Variants in SSH2 observed in about 807,000 individuals in gnomAD.
The protein encoded by SSH2 is slingshot protein phosphatase 2.
SSH2 carries 37 observed loss-of-function variants against 135.2 expected under a neutral mutation model. That is an observed-to-expected ratio of 0.27 (90% CI 0.21 to 0.36). The LOEUF (loss-of-function observed/expected upper bound fraction) is 0.36. Among genes scored for constraint, SSH2 ranks in the 10% least tolerant of loss-of-function variants. The pLI is 1.00. For synonymous variants in SSH2, 628 were observed against 646.2 expected (o/e 0.97, Z 0.43); for missense variants, 1,408 against 1,765.3 (o/e 0.80, Z 3.63).
At chr17:29,771,798 C>G (rs2041591964) in intron 3 of SSH2, among the ~76,000 whole-genome samples, 1 of 152,156 alleles carries the variant, frequency 6.6e-6, no homozygotes, top group Non-Finnish European at 1.5e-5. Context: ...AGTTTCCAGG[C>G]CCTGGCAGAG....
intron 3 of SSH2, among the ~76,000 whole-genome samples, chr17:29,740,784 C>T (rs2040528792): frequency 6.6e-6 from 1 of 152,182 alleles, no homozygotes; most frequent in Non-Finnish European, 1.5e-5. Context: ...TGGAAAATCT[C>T]AATATACTTA....
intron 3 of SSH2, among the ~76,000 whole-genome samples, chr17:29,760,001 G>A (rs1422240318): frequency 1.3e-5 from 2 of 152,160 alleles, no homozygotes; most frequent in African/African-American, 2.4e-5. Context: ...GTACAGGGCA[G>A]TAAAACAACT....
intron 1 of SSH2, among the ~76,000 whole-genome samples, chr17:29,869,233 A>G (rs2065903066): frequency 6.6e-6 from 1 of 152,196 alleles, no homozygotes; most frequent in South Asian, 2.1e-4. Context: ...TGTCATGAGA[A>G]CCACTGGGGT....
intron 14 of SSH2, among the ~76,000 whole-genome samples, chr17:29,646,547 C>T (rs576801514): frequency 1.3e-4 from 20 of 152,090 alleles, no homozygotes; most frequent in African/African-American, 3.9e-4. Flanking sequence ...TCGCCTAGGC[C>T]GGAGTGCAGT....
intron 1 of SSH2, among the ~76,000 whole-genome samples, chr17:29,857,202 T>C (rs2065678339): frequency 6.6e-6 from 1 of 151,984 alleles, no homozygotes; most frequent in African/African-American, 2.4e-5. Flanking sequence ...TAGAAAGAGG[T>C]TTAATTGGGC....
intron 2 of SSH2, among the ~76,000 whole-genome samples, chr17:29,847,626 A>G (rs1039611575): frequency 6.6e-6 from 1 of 152,178 alleles, no homozygotes; most frequent in African/African-American, 2.4e-5. Context: ...ATGTGTATGA[A>G]CTAATAAGGC....
chr17:29,726,968 A>G (rs1023241931), intron 3 of SSH2, among the ~76,000 whole-genome samples: 1 of 152,264 alleles, frequency 6.6e-6, no homozygotes, highest in African/African-American at 2.4e-5. Flanking sequence ...CTGCCAGCCA[A>G]TCATCCTGGA....
rs76843227 is a variant in SSH2 at position 29,653,154 on chromosome 17, C to A, written c.1080-2354G>T. Among the ~76,000 whole-genome samples, 327 of 152,218 alleles carry A rather than the reference C, an allele frequency of 2.1e-3. 1 individual carries two copies. Among genetic ancestry groups the A allele is most frequent in the African/African-American group, 7.6e-3 (316 of 41,520 alleles). On this transcript the variant is annotated intron_variant, in intron 12 of 15. Coordinates refer to ENST00000540801, the MANE Select transcript of SSH2 (RefSeq NM_001282129.2). ...CATCTCAGCACCAAATGACTCTATA[C>A]AGAGTAACATTTTACTTTGGGTAAG...
chr17:29,695,371 T>C, intron 5 of SSH2, 88 bp downstream of exon 5: 1 of 933,742 alleles, frequency 1.1e-6, no homozygotes, highest in Non-Finnish European at 1.7e-6. Context: ...TTCCCAGCAC[T>C]GTGTTGGGAT....
At chr17:29,885,474 C>T (rs1225282669) in intron 1 of SSH2, among the ~76,000 whole-genome samples, 1 of 151,716 alleles carries the variant, frequency 6.6e-6, no homozygotes, top group East Asian at 1.9e-4. Context: ...GGAAGTGTCT[C>T]TTGGCTGGCC....
chr17:29,746,775 C>G (rs1392101199), intron 3 of SSH2, among the ~76,000 whole-genome samples: 2 of 151,974 alleles, frequency 1.3e-5, no homozygotes, highest in Non-Finnish European at 2.9e-5. Context: ...TCAATTTAGC[C>G]CTCATGGAGA....
chr17:29,848,977 T>A, intron 1 of SSH2, 48 bp from the exon 2 acceptor site: 1 of 1,221,436 alleles, frequency 8.2e-7, no homozygotes, highest in Non-Finnish European at 1.2e-6. Context: ...AATGGGCCCA[T>A]AAGCACGAGG....
At position 29,746,208 on chromosome 17, in the gene SSH2, A is replaced by T. The variant is rs151218096; in HGVS notation, c.189-43146T>A. Reference sequence around the variant, plus strand: ...AGAGAGATTTACATTGAGAATTCACATCCTGCCACAGAAACCCCAACTTTT... The same window carrying T: ...AGAGAGATTTACATTGAGAATTCACTTCCTGCCACAGAAACCCCAACTTTT... On this transcript the variant is annotated intron_variant, in intron 3 of 15. Transcript: ENST00000540801. Among the ~76,000 whole-genome samples, 694 of 152,184 alleles carry T rather than the reference A, an allele frequency of 4.6e-3. 1 individual carries two copies. Among genetic ancestry groups the T allele is most frequent in the Non-Finnish European group, 8.1e-3 (552 of 68,010 alleles).
At position 29,758,758 on chromosome 17, in the gene SSH2, T is replaced by A. The variant is rs376760627; in HGVS notation, c.188+35136A>T. On this transcript the variant is annotated intron_variant, in intron 3 of 15. Coordinates refer to ENST00000540801, the MANE Select transcript of SSH2 (RefSeq NM_001282129.2). ...TCTTTTAAAAATTATTTTATTATTA[T>A]TATTTAAAGAGGCAGGGTCTTGCTC... 5.9e-5 allele frequency among the ~76,000 whole-genome samples: 9 copies of A among 152,304 alleles called. No individual in the cohort carries two copies. The East Asian group carries it at 1.3e-3, about 23-fold the overall frequency.
At chr17:29,695,397 C>A in intron 5 of SSH2, 62 bp downstream of exon 5, 1 of 1,330,656 alleles carries the variant, frequency 7.5e-7, no homozygotes, top group South Asian at 1.2e-5. Context: ...AATGACTGTT[C>A]AATTTTGGCT....
At position 29,670,299 on chromosome 17, in the gene SSH2, C is replaced by A. The variant is rs184638875; in HGVS notation, c.809+1636G>T. ...GATGAGACATCCATTTCTCTGAAACCCATCATCCAGCTGTAAAGCATGAAA... is the reference window on the plus strand; with the variant it reads ...GATGAGACATCCATTTCTCTGAAACACATCATCCAGCTGTAAAGCATGAAA... On this transcript the variant is annotated intron_variant, in intron 9 of 15. Coordinates refer to ENST00000540801, the MANE Select transcript of SSH2 (RefSeq NM_001282129.2). Among the ~76,000 whole-genome samples the A allele has an allele frequency of 9.9e-4, 150 of 152,224 alleles. 2 individuals carry two copies. In the Middle Eastern group the frequency reaches 0.01, roughly 10 times the overall value.
At chr17:29,661,061 CAAAAAAAAAAAAAA>C (rs374216221) in intron 11 of SSH2, among the ~76,000 whole-genome samples, 1,492 of 48,364 alleles carry the variant, frequency 0.031, 44 homozygotes, top group African/African-American at 0.094. Flanking sequence ...AATTCCATCT[CAAAAAAAAAAAAAA>C]AAAAAAAGAA....
intron 3 of SSH2, among the ~76,000 whole-genome samples, chr17:29,734,483 C>T (rs544884829): frequency 3.6e-4 from 55 of 152,256 alleles, no homozygotes; most frequent in African/African-American, 1.3e-3. Context: ...AGTTAAACAG[C>T]ACATTCACTT....
intron 2 of SSH2, among the ~76,000 whole-genome samples, chr17:29,824,479 C>A (rs1269254772): frequency 6.6e-6 from 1 of 152,188 alleles, no homozygotes; most frequent in Admixed American, 6.5e-5. Flanking sequence ...GACTCCCAAG[C>A]TTCCCCTCTC....
Sources: allele counts gnomAD v4.1 joint callset (sites outside exome capture counted in the v4.1 genomes callset), GRCh38; gene constraint gnomAD v4.1.1; transcripts MANE v1.5; gene names NCBI Gene and HGNC (gene_info 2026-07-23, HGNC 2026-07-21).